The following PGBD5 variants were observed in gnomAD, a reference collection of about 807,000 sequenced individuals.
PGBD5 encodes piggyBac transposable element-derived protein 5.
Under a neutral mutation model 47.9 loss-of-function variants are expected in PGBD5, and 14 were observed. The ratio of observed to expected loss-of-function variants is 0.29; its 90% CI spans 0.19 to 0.46. The LOEUF is 0.46. Ranked by LOEUF, PGBD5 falls within the 20% of genes least tolerant of loss-of-function variation. PGBD5 has a pLI of 1.00. For synonymous variants in PGBD5, 316 were observed against 306.3 expected (o/e 1.03, Z -0.33); for missense variants, 635 against 716.0 (o/e 0.89, Z 1.29).
Position 230,323,533 on chromosome 1 carries a change from C to G in PGBD5, c.1467G>C (p.Leu489=). 6.2e-7 allele frequency: 1 copy of G among 1,614,178 alleles called. No homozygotes were observed. Reference sequence around the variant, plus strand: ...CGTGGTAGGCGTCTGACATTTTGTACAGGATGTAGGCATTGTTGATGGCGA... The same window carrying G: ...CGTGGTAGGCGTCTGACATTTTGTAGAGGATGTAGGCATTGTTGATGGCGA... The part of the protein sequence containing the change: ...ISIAINNAYI[L]YKMSDAYHVK... Residue 489 remains leucine (L), a synonymous_variant, in exon 7 of 7, where the codon CTG becomes CTC. Transcript: ENST00000391860. This position sits in a 1 kb window ranked among gnomAD's most constrained non-coding sequence, Gnocchi z 4.1.
At chr1:230,377,096 G>GA (rs35032058) in intron 1 of PGBD5, among the ~76,000 whole-genome samples, 1 of 152,214 alleles carries the variant, frequency 6.6e-6, no homozygotes, top group Admixed American at 6.5e-5. Flanking sequence ...GCTGGGTGCA[G>GA]AAAAAGGCCC....
At chr1:230,391,895 C>T (rs1307589682) in intron 1 of PGBD5, among the ~76,000 whole-genome samples, 1 of 152,218 alleles carries the variant, frequency 6.6e-6, no homozygotes, top group Non-Finnish European at 1.5e-5. Flanking sequence ...AGCAGTGGCC[C>T]GAGCCTACGC....
chr1:230,362,435 T>C lies in PGBD5; in HGVS notation c.332-5114A>G. 7.0e-6 allele frequency: 9 copies of C among 1,284,652 alleles called. No individual in the cohort carries two copies. In the South Asian group the frequency reaches 9.0e-5, roughly 13 times the overall value. The allele number at this position is 1,284,652 out of a possible 1,614,324, so 79.6% of individuals were successfully genotyped here. A position where few individuals can be genotyped will look rare whatever the true frequency, so the allele number is the denominator to read the frequency against. ...GGAAGCCTGTGTCAGACCTGGACCG[T>C]GGCAAGCTCTTTCCCGCCTCAAGGC... On this transcript the variant is annotated intron_variant, in intron 1 of 6. Coordinates refer to ENST00000391860, the MANE Select transcript of PGBD5 (RefSeq NM_001258311.2).
At chr1:230,364,496 T>C (rs1391421122) in intron 1 of PGBD5, among the ~76,000 whole-genome samples, 1 of 152,242 alleles carries the variant, frequency 6.6e-6, no homozygotes, top group Non-Finnish European at 1.5e-5. Context: ...TTCAGTCGCA[T>C]AAATGTATCA....
At chr1:230,381,323 C>T (rs1366722884) in intron 1 of PGBD5, among the ~76,000 whole-genome samples, 1 of 152,220 alleles carries the variant, frequency 6.6e-6, no homozygotes, top group Non-Finnish European at 1.5e-5. Flanking sequence ...TCCCAGGCAA[C>T]CAGCCTACTC....
intron 1 of PGBD5, among the ~76,000 whole-genome samples, chr1:230,388,152 T>A (rs1409649652): frequency 6.6e-6 from 1 of 152,200 alleles, no homozygotes; most frequent in Non-Finnish European, 1.5e-5. Flanking sequence ...TGCATGAGGA[T>A]GGCCAAGACG....
chr1:230,342,256 C>T (rs954398107), intron 3 of PGBD5, among the ~76,000 whole-genome samples: 2 of 152,238 alleles, frequency 1.3e-5, no homozygotes, highest in African/African-American at 2.4e-5. Context: ...ACACAAAGAA[C>T]TGGAGAAAGC....
At chr1:230,369,281 A>G (rs1198469500) in intron 1 of PGBD5, among the ~76,000 whole-genome samples, 2 of 152,230 alleles carry the variant, frequency 1.3e-5, no homozygotes, top group Non-Finnish European at 2.9e-5. Flanking sequence ...AAGGTTATAC[A>G]TTAGGACAAT....
At chr1:230,363,298 T>C (rs960787683) in intron 1 of PGBD5, among the ~76,000 whole-genome samples, 2 of 152,144 alleles carry the variant, frequency 1.3e-5, no homozygotes, top group Admixed American at 6.5e-5. Flanking sequence ...AAGGATGGCT[T>C]TGGCCAGGCA....
chr1:230,315,730 GTGGACACTGT>G lies in PGBD5; in HGVS notation c.*7685_*7694del, dbSNP rs1666925257. ...CACACAAGATAGATATATATATTAAGTGGACACTGTATGTGTATATATACACATACATATA... is the reference window on the plus strand; with the variant it reads ...CACACAAGATAGATATATATATTAAGATGTGTATATATACACATACATATA... On this transcript the variant is annotated 3_prime_UTR_variant, in exon 7 of 7. Transcript: ENST00000391860. 6.7e-6 allele frequency: 1 copy of G among 150,374 alleles called. No individual in the cohort carries two copies. Among genetic ancestry groups the G allele is most frequent in the Admixed American group, 6.6e-5 (1 of 15,130 alleles). The allele number at this position is 150,374 out of a possible 1,614,324, so 9.3% of individuals were successfully genotyped here.
At chr1:230,356,031 A>T (rs1558197845) in intron 2 of PGBD5, among the ~76,000 whole-genome samples, 1 of 152,238 alleles carries the variant, frequency 6.6e-6, no homozygotes, top group Non-Finnish European at 1.5e-5. Context: ...GAAGAGCCTT[A>T]GAAGCAGCAC....
chr1:230,325,171 G>A, intron 6 of PGBD5, 139 bp downstream of exon 6: 2 of 674,376 alleles, frequency 3.0e-6, no homozygotes, highest in Admixed American at 2.7e-5. Flanking sequence ...AGCCCAGGCT[G>A]AGGGCAGGAT....
intron 1 of PGBD5, among the ~76,000 whole-genome samples, chr1:230,415,964 A>G (rs1371120122): frequency 6.6e-6 from 1 of 152,230 alleles, no homozygotes; most frequent in Non-Finnish European, 1.5e-5. Context: ...TAATGACAGT[A>G]TTCACTTGAC....
chr1:230,333,096 G>T, intron 4 of PGBD5, 55 bp from the exon 5 acceptor site: 1 of 1,529,310 alleles, frequency 6.5e-7, no homozygotes, highest in South Asian at 1.2e-5. Flanking sequence ...GATGCCGGCG[G>T]CTCCTCCGCC....
chr1:230,388,403 C>T (rs1274315593), intron 1 of PGBD5, among the ~76,000 whole-genome samples: 1 of 151,822 alleles, frequency 6.6e-6, no homozygotes, highest in East Asian at 1.9e-4. Flanking sequence ...GCCACTTCCC[C>T]TTGTTGGCCA....
At chr1:230,351,985 A>AT in intron 2 of PGBD5, among the ~76,000 whole-genome samples, 1 of 152,298 alleles carries the variant, frequency 6.6e-6, no homozygotes, top group Admixed American at 6.5e-5. Context: ...GGAACGTGCT[A>AT]CACTTCCCTC....
chr1:230,394,462 C>T (rs1011772869), intron 1 of PGBD5, among the ~76,000 whole-genome samples: 4 of 125,606 alleles, frequency 3.2e-5, no homozygotes, highest in Non-Finnish European at 5.1e-5. Context: ...GCTCCTCCCC[C>T]TAGTTGGCCA....
intron 1 of PGBD5, among the ~76,000 whole-genome samples, chr1:230,384,295 T>C (rs1042914914): frequency 2.0e-5 from 3 of 152,144 alleles, no homozygotes; most frequent in African/African-American, 4.8e-5. Context: ...GGGTGAAATG[T>C]ACATTTTGAC....
At chr1:230,397,095 G>A (rs1657004370) in intron 1 of PGBD5, among the ~76,000 whole-genome samples, 1 of 152,176 alleles carries the variant, frequency 6.6e-6, no homozygotes, top group Non-Finnish European at 1.5e-5. Context: ...CCGATTCCAA[G>A]AGATGGGAAT....
Sources: allele counts gnomAD v4.1 joint callset (sites outside exome capture counted in the v4.1 genomes callset), GRCh38; gene constraint gnomAD v4.1.1; non-coding constraint Gnocchi (gnomAD v3.1); transcripts MANE v1.5; gene names NCBI Gene and HGNC (gene_info 2026-07-23, HGNC 2026-07-21).